Variants in CAPN14 observed in about 807,000 individuals in gnomAD.
CAPN14 encodes calpain 14.
Under a neutral mutation model 101.3 loss-of-function variants are expected in CAPN14, and 94 were observed. The observed-to-expected ratio is 0.93, with a 90% CI of 0.79 to 1.10. CAPN14 has a LOEUF of 1.10. Among genes scored for constraint, CAPN14 ranks in the 50% least tolerant of loss-of-function variants. CAPN14 has a pLI of 0.00. For synonymous variants in CAPN14, 338 were observed against 317.9 expected, an observed-to-expected ratio of 1.06 and a Z score of -0.67; for missense variants, 837 against 828.4, an observed-to-expected ratio of 1.01 and a Z score of -0.13.
intron 17 of CAPN14, among the ~76,000 whole-genome samples, chr2:31,179,879 T>C (rs1417947263): frequency 6.6e-6 from 1 of 152,258 alleles, no homozygotes; most frequent in Non-Finnish European, 1.5e-5. Context: ...GAAGTGTCTG[T>C]TCATATCAAG....
At chr2:31,223,729 T>C (rs1003525602) in intron 2 of CAPN14, among the ~76,000 whole-genome samples, 6 of 151,874 alleles carry the variant, frequency 4.0e-5, no homozygotes, top group Admixed American at 3.3e-4. Context: ...GAGGTTTCAC[T>C]ATGTTGGCCA....
intron 9 of CAPN14, among the ~76,000 whole-genome samples, chr2:31,194,183 C>A (rs1056436285): frequency 2.6e-5 from 4 of 152,138 alleles, no homozygotes; most frequent in African/African-American, 9.7e-5. Flanking sequence ...CCTGGCTGAG[C>A]CCTCGCTGAG....
rs1681216584 is a variant in CAPN14, at chr2:31,192,048, C to T, written c.1165G>A (p.Glu389Lys). Residue 389 changes from glutamate (E) to lysine (K), a missense_variant, in exon 11 of 22, where the codon GAG (glutamate) becomes AAG (lysine). Physicochemically the swap from Glu to Lys is moderately conservative, Grantham distance 56. Transcript: ENST00000403897. The part of the protein sequence containing the change: ...QFLLSVWRPE[E>K]GRRSLRPCSV... ...CAGGGCCTCAGGGATCTCCTGCCCT[C>T]CTCGGGCCTCCAGACAGACAGCAGG... 1 of 1,551,456 alleles carries T rather than the reference C, an allele frequency of 6.4e-7. No homozygotes were observed. The highest frequency in any genetic ancestry group is 8.7e-7 in the Non-Finnish European group (1 of 1,146,866).
intron 1 of CAPN14, among the ~76,000 whole-genome samples, chr2:31,211,177 A>G (rs1189315145): frequency 6.6e-6 from 1 of 151,952 alleles, no homozygotes; most frequent in Non-Finnish European, 1.5e-5. Context: ...AGTTAAGCCA[A>G]TAAAACAGAA....
intron 1 of CAPN14, among the ~76,000 whole-genome samples, chr2:31,215,903 CA>C (rs1553398543): frequency 6.8e-6 from 1 of 147,194 alleles, no homozygotes; most frequent in Non-Finnish European, 1.5e-5. Context: ...TAAACACATA[CA>C]AACTATATGA....
rs1436691207 is a variant in CAPN14, at chr2:31,205,426, G to T, written c.22C>A (p.Arg8=). 6.4e-7 allele frequency: 1 copy of T among 1,551,538 alleles called. No individual in the cohort carries two copies. Among genetic ancestry groups the T allele is most frequent in the South Asian group, 1.2e-5 (1 of 84,052 alleles). The stretch of plus-strand genomic sequence containing the variant: ...CTTGGCGCCAGCTTCCATCTGCATC[G>T]GAAAGGTGGCCACAGAGACATGGCA... MSLWPPF[R]CRWKLAPRYS... Residue 8 remains arginine, a synonymous_variant, in exon 2 of 22, where the codon CGA becomes AGA. Transcript: ENST00000403897.
intron 12 of CAPN14, among the ~76,000 whole-genome samples, chr2:31,189,979 C>T (rs1256231159): frequency 6.6e-6 from 1 of 151,848 alleles, no homozygotes; most frequent in African/African-American, 2.4e-5. Flanking sequence ...ACCTCCCCAC[C>T]TACACCACAC....
intron 12 of CAPN14, among the ~76,000 whole-genome samples, chr2:31,190,746 G>A (rs1681138382): frequency 6.6e-6 from 1 of 152,186 alleles, no homozygotes; most frequent in African/African-American, 2.4e-5. Flanking sequence ...GCGTAAAATG[G>A]TTTCTCTACA....
At position 31,230,754 on chromosome 2, in the gene CAPN14, G is replaced by GT. The variant is rs1179119880; in HGVS notation, c.-177+3036dup. On this transcript the variant is annotated intron_variant and NMD_transcript_variant, in intron 1 of 21. Transcript: ENST00000398824. The surrounding 1 kb of genome is among the most constrained non-coding windows in gnomAD (Gnocchi z 4.3). ...CTATATTCTGGATGTGCTTTCATGG[G>GT]TTTTTGTGTATAGGAAATATCTTTT... 6.6e-6 allele frequency among the ~76,000 whole-genome samples: 1 copy of GT among 152,110 alleles called. No individual in the cohort carries two copies. The highest frequency in any genetic ancestry group is 2.4e-5 in the African/African-American group (1 of 41,402).
At chr2:31,214,212 T>C (rs889415740) in intron 1 of CAPN14, among the ~76,000 whole-genome samples, 10 of 152,234 alleles carry the variant, frequency 6.6e-5, no homozygotes, top group African/African-American at 2.4e-4. Flanking sequence ...GATGGATGTT[T>C]CTTCACTTGG....
rs142736812 is a variant in CAPN14 at position 31,188,205 on chromosome 2, G to T, written c.1530+113C>A. ...CGGGTAATGTTTGCCATAGAACAGG[G>T]TCTGTAAGGATCCGCATATCTCCTC... On this transcript the variant is annotated intron_variant, in intron 14 of 21. Coordinates refer to ENST00000403897, the MANE Select transcript of CAPN14 (RefSeq NM_001145122.2). 57 of 914,838 alleles carry T rather than the reference G, an allele frequency of 6.2e-5. 1 individual carries two copies. In the East Asian group the frequency reaches 1.3e-3, roughly 21 times the overall value. 56.7% of individuals were successfully genotyped at this position (914,838 alleles called of 1,614,324 possible).
intron 3 of CAPN14, 96 bp downstream of exon 3, chr2:31,202,974 G>T: frequency 9.7e-7 from 1 of 1,036,110 alleles, no homozygotes. Context: ...CTCCAGTGGG[G>T]ATCTCTGGCT....
intron 21 of CAPN14, among the ~76,000 whole-genome samples, chr2:31,176,030 T>C (rs556012810): frequency 5.3e-5 from 8 of 152,322 alleles, no homozygotes; most frequent in Admixed American, 1.3e-4. Flanking sequence ...CAAAGTGATA[T>C]TAAAGAGGAG....
intron 18 of CAPN14, 54 bp from the exon 19 acceptor site, chr2:31,177,875 T>C: frequency 1.5e-6 from 2 of 1,338,442 alleles, no homozygotes; most frequent in Non-Finnish European, 2.1e-6. Flanking sequence ...AAGCACCATC[T>C]GAGAGCCCTG....
intron 1 of CAPN14, among the ~76,000 whole-genome samples, chr2:31,208,096 G>A (rs1239188915): frequency 6.6e-6 from 1 of 151,978 alleles, no homozygotes; most frequent in Non-Finnish European, 1.5e-5. Context: ...GGAAGACCCA[G>A]CCCTCTTCTA....
chr2:31,176,987 G>C (rs1011423072), intron 20 of CAPN14, 39 bp downstream of exon 20: 2 of 1,410,078 alleles, frequency 1.4e-6, no homozygotes, highest in Middle Eastern at 1.7e-4. Flanking sequence ...TGGGGCAGCA[G>C]AGGAAGACCT....
intron 6 of CAPN14, 77 bp downstream of exon 6, chr2:31,200,374 G>C (rs1024112736): frequency 7.5e-7 from 1 of 1,326,780 alleles, no homozygotes; most frequent in African/African-American, 1.5e-5. Flanking sequence ...CCCACACCCA[G>C]GTGAGGGTAG....
At chr2:31,227,746 C>T (rs1481888945) in intron 1 of CAPN14, among the ~76,000 whole-genome samples, 2 of 152,218 alleles carry the variant, frequency 1.3e-5, no homozygotes, top group Non-Finnish European at 2.9e-5. Context: ...GATGCACTTT[C>T]GCCTCCAACT....
intron 7 of CAPN14, among the ~76,000 whole-genome samples, chr2:31,199,192 G>A (rs1558624597): frequency 6.6e-6 from 1 of 152,224 alleles, no homozygotes; most frequent in Non-Finnish European, 1.5e-5. Context: ...GCAGCCCAGA[G>A]TGAAGCAAAG....
Sources: gnomAD v4.1 joint callset for allele counts (sites outside exome capture counted in the v4.1 genomes callset) on GRCh38, gnomAD v4.1.1 for gene constraint, Gnocchi (gnomAD v3.1) non-coding constraint, MANE v1.5 for transcripts, NCBI Gene and HGNC (gene_info 2026-07-23, HGNC 2026-07-21) for gene names.